The following CECR2 variants were observed in gnomAD, a reference collection of about 807,000 sequenced individuals.
CECR2 encodes the protein chromatin remodeling regulator CECR2.
CECR2 carries 30 observed loss-of-function variants against 154.5 expected under a neutral mutation model. That is an observed-to-expected ratio of 0.19 (90% confidence interval 0.15 to 0.26). The LOEUF (loss-of-function observed/expected upper bound fraction) is 0.26. CECR2 is among the 10% of genes least tolerant of loss of function. The pLI is 1.00. For synonymous variants in CECR2, 725 were observed against 683.7 expected (o/e 1.06, Z -0.94); for missense variants, 1,743 against 1,829.3 (o/e 0.95, Z 0.86).
chr22:17,395,455 A>G (rs950676155), intron 1 of CECR2, among the ~76,000 whole-genome samples: 1 of 151,862 alleles, frequency 6.6e-6, no homozygotes, highest in Non-Finnish European at 1.5e-5. Context: ...AGTGGTTCTC[A>G]TGCCTTAGCC....
At position 17,439,040 on chromosome 22, in the gene CECR2, A is replaced by G. The variant is rs116482527; in HGVS notation, c.127-38548A>G. On this transcript the variant is annotated intron_variant, in intron 1 of 18. Transcript: ENST00000262608. ...ATTTTTTTTAAAGTATGTATATATA[A>G]AAGCAAGAAGACCTAGCATTAATTC... Among the ~76,000 whole-genome samples the G allele has an allele frequency of 4.2e-3, 644 of 152,220 alleles. 3 individuals are homozygous for G. Among genetic ancestry groups the G allele is most frequent in the African/African-American group, 0.015 (618 of 41,514 alleles).
rs553588766 is a variant in CECR2, at chr22:17,411,775, T to C, written c.126+41866T>C. 2.6e-5 allele frequency among the ~76,000 whole-genome samples: 4 copies of C among 152,348 alleles called. No individual in the cohort carries two copies. The East Asian group carries it at 7.7e-4, about 29-fold the overall frequency. ...GAGAGAAGCAAAAAGAAAATAATTA[T>C]AATTACTTCGAGCCTATATAGGTCT... On this transcript the variant is annotated intron_variant, in intron 1 of 18. Coordinates refer to ENST00000262608, the MANE Select transcript of CECR2 (RefSeq NM_001290047.2).
intron 16 of CECR2, among the ~76,000 whole-genome samples, chr22:17,547,315 C>T (rs907494707): frequency 1.4e-4 from 21 of 151,700 alleles, no homozygotes; most frequent in African/African-American, 4.4e-4. Context: ...CTACAATCTC[C>T]GCCTCCTGGG....
chr22:17,498,519 G>C (rs2055674788), intron 3 of CECR2, among the ~76,000 whole-genome samples: 1 of 152,132 alleles, frequency 6.6e-6, no homozygotes, highest in East Asian at 1.9e-4. Flanking sequence ...GTTGAGCTCT[G>C]GTTATGGGCA....
At chr22:17,479,985 C>A (rs965651407) in intron 2 of CECR2, among the ~76,000 whole-genome samples, 1 of 151,964 alleles carries the variant, frequency 6.6e-6, no homozygotes, top group Admixed American at 6.6e-5. Flanking sequence ...GTCTTGAACT[C>A]CTGGTCTCAA....
At chr22:17,469,906 G>GT (rs752860065) in intron 1 of CECR2, among the ~76,000 whole-genome samples, 6 of 152,142 alleles carry the variant, frequency 3.9e-5, no homozygotes, top group Non-Finnish European at 7.3e-5. Flanking sequence ...AAGGTTACTG[G>GT]TTTTTTGCCT....
At chr22:17,490,039 A>G (rs2055497214) in intron 2 of CECR2, among the ~76,000 whole-genome samples, 1 of 152,050 alleles carries the variant, frequency 6.6e-6, no homozygotes, top group Non-Finnish European at 1.5e-5. Context: ...TATTGTTTAA[A>G]ACATGCTCTC....
At chr22:17,499,586 A>C (rs2146878962) in intron 4 of CECR2, 37 bp downstream of exon 4, 1 of 1,549,048 alleles carries the variant, frequency 6.5e-7, no homozygotes, top group African/African-American at 1.4e-5. Context: ...TAGCTACTGT[A>C]TTAAAATGTC....
chr22:17,412,238 G>C (rs1259403257), intron 1 of CECR2, among the ~76,000 whole-genome samples: 1 of 152,118 alleles, frequency 6.6e-6, no homozygotes, highest in South Asian at 2.1e-4. Context: ...GAAAAGACTG[G>C]GGAAGGGTCA....
intron 1 of CECR2, among the ~76,000 whole-genome samples, chr22:17,460,321 C>T (rs1034225815): frequency 2.6e-5 from 4 of 152,100 alleles, no homozygotes; most frequent in African/African-American, 4.8e-5. Context: ...GCAATTCTCC[C>T]GCCTCAGCCT....
chr22:17,539,966 G>A (rs984310970), intron 13 of CECR2, among the ~76,000 whole-genome samples: 1 of 152,060 alleles, frequency 6.6e-6, no homozygotes, highest in Non-Finnish European at 1.5e-5. Flanking sequence ...CAAGTAGCTG[G>A]GACTATCGGC....
At chr22:17,408,220 G>GC (rs919424221) in intron 1 of CECR2, among the ~76,000 whole-genome samples, 1 of 32,022 alleles carries the variant, frequency 3.1e-5, no homozygotes, top group Non-Finnish European at 7.5e-5. Flanking sequence ...TCACCCCCCA[G>GC]CCCCTGGCAA....
chr22:17,508,728 T>A (rs2146913773), intron 7 of CECR2, among the ~76,000 whole-genome samples: 1 of 152,254 alleles, frequency 6.6e-6, no homozygotes. Flanking sequence ...AGTCCCTGAA[T>A]TCTATATTGT....
chr22:17,552,774 G>GTTGTTT, intron 18 of CECR2, 61 bp from the exon 19 acceptor site: 1 of 933,470 alleles, frequency 1.1e-6, no homozygotes, highest in Non-Finnish European at 1.5e-6. Flanking sequence ...GCTTACTTAA[G>GTTGTTT]TTTTTTTTTT....
At chr22:17,416,913 A>G (rs1000655155) in intron 1 of CECR2, among the ~76,000 whole-genome samples, 2 of 152,218 alleles carry the variant, frequency 1.3e-5, no homozygotes, top group African/African-American at 4.8e-5. Context: ...TGGATACCAA[A>G]TGTGCACATT....
chr22:17,428,953 G>A (rs2054376753), intron 1 of CECR2, among the ~76,000 whole-genome samples: 1 of 152,112 alleles, frequency 6.6e-6, no homozygotes, highest in African/African-American at 2.4e-5. Context: ...GAGCTTGGTT[G>A]ATGATGGAGA....
intron 5 of CECR2, 88 bp downstream of exon 5, chr22:17,500,823 AT>A: frequency 1.1e-6 from 1 of 948,704 alleles, no homozygotes; most frequent in Non-Finnish European, 1.6e-6. Flanking sequence ...TGCCTGTGCC[AT>A]GGGAAGCACA....
At chr22:17,367,840 G>T (rs1164652752), upstream of CECR2, among the ~76,000 whole-genome samples, 1 of 152,224 alleles carries the variant, frequency 6.6e-6, no homozygotes, top group African/African-American at 2.4e-5. Flanking sequence ...TACTCACGGG[G>T]TAGCTGTGCT....
chr22:17,519,926 G>A (rs546263178), intron 8 of CECR2, among the ~76,000 whole-genome samples: 28 of 152,090 alleles, frequency 1.8e-4, no homozygotes, highest in African/African-American at 6.0e-4. Flanking sequence ...AAGTAGCTGG[G>A]ACTACAGGCA....
Sources: gnomAD v4.1 joint callset for allele counts (sites outside exome capture counted in the v4.1 genomes callset) on GRCh38, gnomAD v4.1.1 for gene constraint, MANE v1.5 for transcripts, NCBI Gene and HGNC (gene_info 2026-07-23, HGNC 2026-07-21) for gene names.